PALS2: variants seen among roughly 807,000 people sequenced by gnomAD.
PALS2 encodes protein associated with LIN7 2, MAGUK p55 family member, also known as protein PALS2.
In PALS2, 27 loss-of-function variants were observed where a neutral mutation model predicts 61.6. That is an observed-to-expected ratio of 0.44 (90% CI 0.32 to 0.60). The LOEUF is 0.60. Ranked by LOEUF, PALS2 falls within the 20% of genes least tolerant of loss-of-function variation. PALS2 has a pLI of 0.05. For synonymous variants in PALS2, 236 were observed against 218.6 expected, an observed-to-expected ratio of 1.08 and a Z score of -0.70; for missense variants, 554 against 639.4, an observed-to-expected ratio of 0.87 and a Z score of 1.44.
chr7:24,672,196 C>G (rs181170303), intron 9 of PALS2, among the ~76,000 whole-genome samples: 7 of 145,084 alleles, frequency 4.8e-5, no homozygotes, highest in Non-Finnish European at 7.5e-5. Flanking sequence ...CTACTGCCAT[C>G]TGTTTTGTTT....
rs186112963 is a variant in PALS2 at position 24,625,476 on chromosome 7, C to T, written c.117+1692C>T. Among the ~76,000 whole-genome samples, 679 of 152,238 alleles carry T rather than the reference C, an allele frequency of 4.5e-3. 4 individuals are homozygous for T. Among genetic ancestry groups the T allele is most frequent in the African/African-American group, 0.016 (654 of 41,546 alleles). On this transcript the variant is annotated intron_variant, in intron 2 of 11. Coordinates refer to ENST00000222644, the MANE Select transcript of PALS2 (RefSeq NM_001303037.2). ...ACAACTTTTGAATTGAAAAGTAAGA[C>T]TCAGTCAATAAGTGTTGTGTCTAAG...
chr7:24,677,731 T>A (rs1221471329), intron 9 of PALS2, among the ~76,000 whole-genome samples: 1 of 152,166 alleles, frequency 6.6e-6, no homozygotes, highest in African/African-American at 2.4e-5. Flanking sequence ...ACCTTAAAGA[T>A]CACACAGTTT....
At chr7:24,646,098 A>G (rs907424219) in intron 3 of PALS2, among the ~76,000 whole-genome samples, 17 of 152,204 alleles carry the variant, frequency 1.1e-4, no homozygotes, top group Admixed American at 9.8e-4. Flanking sequence ...TCATCTGCAA[A>G]CAGAAATAGT....
chr7:24,607,144 A>G (rs2128050137), intron 1 of PALS2, among the ~76,000 whole-genome samples: 1 of 152,306 alleles, frequency 6.6e-6, no homozygotes, highest in Non-Finnish European at 1.5e-5. Context: ...TTTTCAGGTA[A>G]GAAGATAGAT....
Position 24,650,581 on chromosome 7 carries a change from A to G in PALS2, c.520A>G (p.Ile174Val). ...ACAAGGTCTACTTCATGTGGGAGAT[A>G]TAATTAAAGAAGTCAATGGCCATGA... ...DRQGLLHVGD[I>V]IKEVNGHEVG... The change falls in exon 5 of 12, where the codon ATA becomes GTA. Residue 174 changes from isoleucine (I) to valine (V), a missense_variant. Transcript: ENST00000222644. 2 of 1,613,138 alleles carry G rather than the reference A, an allele frequency of 1.2e-6. No individual in the cohort carries two copies.
chr7:24,694,017 G>A lies in PALS2; in HGVS notation c.*6403G>A, dbSNP rs998177700. The A allele has an allele frequency of 1.3e-5, 2 of 151,914 alleles. No individual in the cohort carries two copies. The highest frequency in any genetic ancestry group is 4.2e-4 in the South Asian group (2 of 4,816). 9.4% of individuals were successfully genotyped at this position (151,914 alleles called of 1,614,324 possible). On this transcript the variant is annotated 3_prime_UTR_variant, in exon 12 of 12. Transcript: ENST00000222644. The stretch of plus-strand genomic sequence containing the variant: ...AGAATCTTTAAAAAAAAAAATGGAG[G>A]GCAGAATGCTTGTTAGCAATCTGAA...
rs540573860 is a variant in PALS2, at chr7:24,587,998, G to A, written c.-3+14405G>A. 3.3e-5 allele frequency among the ~76,000 whole-genome samples: 5 copies of A among 152,132 alleles called. No homozygotes were observed. In the South Asian group the frequency reaches 1.0e-3, roughly 32 times the overall value. ...CCCTAAGGGACATTTGGTAATATTT[G>A]AAGCCATCTTTGGTTGTCACACCTG... On this transcript the variant is annotated intron_variant, in intron 1 of 11. Coordinates refer to ENST00000222644, the MANE Select transcript of PALS2 (RefSeq NM_001303037.2).
chr7:24,631,700 C>T (rs1785003743), intron 2 of PALS2, among the ~76,000 whole-genome samples: 1 of 152,146 alleles, frequency 6.6e-6, no homozygotes, highest in South Asian at 2.1e-4. Flanking sequence ...TAAGAAATTG[C>T]CACAGCCACC....
chr7:24,627,716 C>G (rs1437440118), intron 2 of PALS2, among the ~76,000 whole-genome samples: 2 of 152,118 alleles, frequency 1.3e-5, no homozygotes, highest in Non-Finnish European at 2.9e-5. Flanking sequence ...ATATAAACTA[C>G]CATCAGAAAA....
intron 8 of PALS2, among the ~76,000 whole-genome samples, chr7:24,666,419 A>T (rs184663197): frequency 1.2e-4 from 19 of 152,338 alleles, no homozygotes; most frequent in African/African-American, 4.6e-4. Flanking sequence ...CCATTTCTAA[A>T]GGATAGAATG....
At chr7:24,634,526 G>A (rs116223860) in intron 2 of PALS2, among the ~76,000 whole-genome samples, 2,489 of 152,184 alleles carry the variant, frequency 0.016, 80 homozygotes, top group African/African-American at 0.057. Flanking sequence ...CACCACGCCC[G>A]GCTGAAGCAC....
chr7:24,654,353 C>G (rs1197678744), intron 5 of PALS2, among the ~76,000 whole-genome samples: 1 of 152,000 alleles, frequency 6.6e-6, no homozygotes, highest in Non-Finnish European at 1.5e-5. Context: ...AACTTATTTA[C>G]AAATATGATC....
intron 1 of PALS2, among the ~76,000 whole-genome samples, chr7:24,574,693 A>G (rs138452172): frequency 1.2e-3 from 181 of 152,268 alleles, no homozygotes; most frequent in African/African-American, 3.2e-3. Context: ...GTATATTACA[A>G]GTGGTCTTGT....
chr7:24,634,152 A>G (rs955336730), intron 2 of PALS2, among the ~76,000 whole-genome samples: 18 of 152,128 alleles, frequency 1.2e-4, no homozygotes, highest in Non-Finnish European at 2.2e-4. Flanking sequence ...TCATTTGCAA[A>G]TATTTCTCCC....
intron 1 of PALS2, among the ~76,000 whole-genome samples, chr7:24,581,344 GCT>G (rs1049558910): frequency 1.3e-5 from 2 of 151,624 alleles, no homozygotes; most frequent in African/African-American, 4.9e-5. Context: ...GGCATTTAGT[GCT>G]CTCTGGAATA....
intron 1 of PALS2, among the ~76,000 whole-genome samples, chr7:24,622,938 T>C (rs984681578): frequency 2.0e-5 from 3 of 151,912 alleles, no homozygotes; most frequent in Non-Finnish European, 2.9e-5. Flanking sequence ...TGAAGTGTCA[T>C]TTGGTTTTGT....
intron 1 of PALS2, among the ~76,000 whole-genome samples, chr7:24,587,080 G>A (rs1214975262): frequency 6.7e-6 from 1 of 149,924 alleles, no homozygotes; most frequent in Non-Finnish European, 1.5e-5. Context: ...TAAATAAGTT[G>A]TTATGGCCCC....
intron 1 of PALS2, among the ~76,000 whole-genome samples, chr7:24,605,509 A>G (rs1783866322): frequency 6.6e-6 from 1 of 152,212 alleles, no homozygotes; most frequent in Non-Finnish European, 1.5e-5. Context: ...TATGTTTTAG[A>G]TATTTATATA....
chr7:24,631,183 G>A (rs965666748), intron 2 of PALS2, among the ~76,000 whole-genome samples: 3 of 152,198 alleles, frequency 2.0e-5, no homozygotes, highest in Non-Finnish European at 4.4e-5. Flanking sequence ...CATGGGAGAA[G>A]GTCAGAATAT....
Sources: gnomAD v4.1 joint callset for allele counts (sites outside exome capture counted in the v4.1 genomes callset) on GRCh38, gnomAD v4.1.1 for gene constraint, MANE v1.5 for transcripts, NCBI Gene and HGNC (gene_info 2026-07-23, HGNC 2026-07-21) for gene names.